CAPN2: variants seen among roughly 807,000 people sequenced by gnomAD.
CAPN2 encodes the protein calpain 2.
CAPN2 carries 92 observed loss-of-function variants against 102.3 expected under a neutral mutation model. The ratio of observed to expected loss-of-function variants is 0.90; its 90% CI spans 0.76 to 1.07. The LOEUF (loss-of-function observed/expected upper bound fraction) is 1.07. Ranked by LOEUF, CAPN2 falls within the 50% of genes least tolerant of loss-of-function variation. CAPN2 has a pLI of 0.00. For missense variants in CAPN2, 800 were observed against 909.4 expected, an observed-to-expected ratio of 0.88 and a Z score of 1.55; for synonymous variants, 340 against 355.4, an observed-to-expected ratio of 0.96 and a Z score of 0.49.
chr1:223,761,200 GCTACA>G (rs1661176239), intron 12 of CAPN2, among the ~76,000 whole-genome samples: 1 of 152,228 alleles, frequency 6.6e-6, no homozygotes, highest in South Asian at 2.1e-4. Flanking sequence ...CGAACACCAC[GCTACA>G]CGCGAAGGCT....
Position 223,731,962 on chromosome 1 carries a change from G to GA in CAPN2, c.308-12131dup, listed in dbSNP as rs932142081. 6.6e-6 allele frequency among the ~76,000 whole-genome samples: 1 copy of GA among 152,208 alleles called. No individual in the cohort carries two copies. Among genetic ancestry groups the GA allele is most frequent in the African/African-American group, 2.4e-5 (1 of 41,544 alleles). ...GTTGCAAAGAAAGAACACTCAGTTGGAAAAAAAGGCAAGAGGGTTTTATTC... is the reference window on the plus strand; with the variant it reads ...GTTGCAAAGAAAGAACACTCAGTTGGAAAAAAAAGGCAAGAGGGTTTTATTC... On this transcript the variant is annotated intron_variant, in intron 2 of 20. Transcript: ENST00000295006. This position sits in a 1 kb window ranked among gnomAD's most constrained non-coding sequence, Gnocchi z 4.2.
chr1:223,752,880 C>G lies in CAPN2; in HGVS notation c.1059C>G (p.Tyr353Ter). The G allele has an allele frequency of 1.2e-6, 2 of 1,614,210 alleles. No homozygotes were observed. The highest frequency in any genetic ancestry group is 8.5e-7 in the Non-Finnish European group (1 of 1,180,014). Reference protein sequence around the residue: ...LTPDTLTSDTYKKWKLTKMDG... With the variant: ...LTPDTLTSDT The stretch of plus-strand genomic sequence containing the variant: ...CAGACACTCTCACCAGCGATACCTA[C>G]AAGAAGTGGAAACTCACCAAAATGG... The change falls in exon 9 of 21, where the codon TAC becomes TAG. Residue 353 changes from tyrosine to a stop codon, truncating the protein, a stop_gained. Transcript: ENST00000295006. LOFTEE classifies it high-confidence loss of function.
chr1:223,766,436 C>A lies in CAPN2; in HGVS notation c.1755+5C>A. ...ATTATGGTTGACATGCTAGATGTAT[C>A]CTTTAATGTGCTCCAGGGAATAGAG... On this transcript the variant is annotated splice_donor_5th_base_variant and intron_variant, in intron 16 of 20. Transcript: ENST00000295006. The A allele has an allele frequency of 6.2e-7, 1 of 1,604,244 alleles. No individual in the cohort carries two copies. Among genetic ancestry groups the A allele is most frequent in the Non-Finnish European group, 8.5e-7 (1 of 1,170,992 alleles).
chr1:223,753,052 A>C, intron 9 of CAPN2, 96 bp downstream of exon 9: 1 of 1,152,164 alleles, frequency 8.7e-7, no homozygotes, highest in Non-Finnish European at 1.3e-6. Context: ...CCAGCCTAGC[A>C]GCCCCAGGAG....
At chr1:223,758,899 G>C (rs994746511) in intron 11 of CAPN2, 1 of 308,764 alleles carries the variant, frequency 3.2e-6, no homozygotes, top group Non-Finnish European at 6.3e-6. Context: ...TCACTACATT[G>C]CCCAGGCTGG....
In CAPN2 at chr1:223,753,023, C is replaced by G. The variant is rs555028363; in HGVS notation, c.1135+67C>G. On this transcript the variant is annotated intron_variant, in intron 9 of 20. Coordinates refer to ENST00000295006, the MANE Select transcript of CAPN2 (RefSeq NM_001748.5). ...ACCAAAGGCCAAAGCTCCCCTTACC[C>G]CACCCTGTGTACCACACCCCAGCCT... 7.3e-6 allele frequency: 11 copies of G among 1,496,762 alleles called. No individual in the cohort carries two copies. The South Asian group carries it at 1.2e-4, about 16-fold the overall frequency. 92.7% of individuals were successfully genotyped at this position (1,496,762 alleles called of 1,614,324 possible). A position where few individuals can be genotyped will look rare whatever the true frequency, so the allele number is the denominator to read the frequency against.
intron 2 of CAPN2, among the ~76,000 whole-genome samples, chr1:223,740,499 T>C (rs1660587922): frequency 6.6e-6 from 1 of 152,172 alleles, no homozygotes; most frequent in Non-Finnish European, 1.5e-5. Context: ...CTTAGAACTT[T>C]TTAAAAGAGG....
In CAPN2 at chr1:223,755,683, C is replaced by G. The variant is rs1007221264; in HGVS notation, c.1305+34C>G. The G allele has an allele frequency of 1.3e-6, 2 of 1,525,636 alleles. No homozygotes were observed. The highest frequency in any genetic ancestry group is 1.3e-5 in the South Asian group (1 of 77,506). 94.5% of individuals were successfully genotyped at this position (1,525,636 alleles called of 1,614,324 possible). On this transcript the variant is annotated intron_variant, in intron 10 of 20. Coordinates refer to ENST00000295006, the MANE Select transcript of CAPN2 (RefSeq NM_001748.5). This position sits in a 1 kb window ranked among gnomAD's most constrained non-coding sequence, Gnocchi z 4.1. ...CGCAGGGGCTCCTGCCCTCCCTTCCCCATGTGTTCATCTCAGCCCCTGCAT... is the reference window on the plus strand; with the variant it reads ...CGCAGGGGCTCCTGCCCTCCCTTCCGCATGTGTTCATCTCAGCCCCTGCAT...
At chr1:223,716,513 A>G (rs963782799) in intron 1 of CAPN2, among the ~76,000 whole-genome samples, 1 of 152,080 alleles carries the variant, frequency 6.6e-6, no homozygotes, top group African/African-American at 2.4e-5. Flanking sequence ...CATGAAGGGA[A>G]TGTCCTCTGC....
chr1:223,745,938 T>A (rs1214439784), intron 4 of CAPN2, among the ~76,000 whole-genome samples: 2 of 152,220 alleles, frequency 1.3e-5, no homozygotes, highest in East Asian at 3.8e-4. Flanking sequence ...GAATAGATGA[T>A]GTCACTGATT....
chr1:223,719,204 G>C (rs758896160), intron 2 of CAPN2, among the ~76,000 whole-genome samples: 1 of 152,176 alleles, frequency 6.6e-6, no homozygotes, highest in Non-Finnish European at 1.5e-5. Context: ...TAGAGAAAAT[G>C]GAATTGATGG....
rs1157332667 is a variant in CAPN2, at chr1:223,727,362, C to T, written c.307+9531C>T. 2.0e-5 allele frequency among the ~76,000 whole-genome samples: 3 copies of T among 152,206 alleles called. No homozygotes were observed. The highest frequency in any genetic ancestry group is 2.9e-5 in the Non-Finnish European group (2 of 68,044). On this transcript the variant is annotated intron_variant, in intron 2 of 20. Transcript: ENST00000295006. This position sits in a 1 kb window ranked among gnomAD's most constrained non-coding sequence, Gnocchi z 4.1. ...GTCCTGTGAATTATAGGATGTTTAG[C>T]TGCATCCTTGGCCTCTACCCACACA...
intron 20 of CAPN2, among the ~76,000 whole-genome samples, chr1:223,773,697 T>TA (rs199738676): frequency 6.8e-5 from 10 of 147,574 alleles, no homozygotes; most frequent in African/African-American, 9.9e-5. Context: ...AAACTGCATC[T>TA]AAAAAAAAAA....
intron 6 of CAPN2, 102 bp from the exon 7 acceptor site, chr1:223,750,788 C>T (rs939813092): frequency 1.9e-6 from 2 of 1,069,744 alleles, no homozygotes; most frequent in Admixed American, 4.0e-5. Context: ...CGTCCTCAGC[C>T]CCATACCTCC....
In CAPN2 at chr1:223,712,615, C is replaced by G. The variant is rs1157970691; in HGVS notation, c.-26C>G. The G allele has an allele frequency of 1.3e-6, 2 of 1,504,096 alleles. No individual in the cohort carries two copies. Among genetic ancestry groups the G allele is most frequent in the East Asian group, 5.7e-5 (2 of 35,004 alleles). 93.2% of individuals were successfully genotyped at this position (1,504,096 alleles called of 1,614,324 possible). A position where few individuals can be genotyped will look rare whatever the true frequency, so the allele number is the denominator to read the frequency against. On this transcript the variant is annotated 5_prime_UTR_variant, in exon 1 of 21. Coordinates refer to ENST00000295006, the MANE Select transcript of CAPN2 (RefSeq NM_001748.5). Reference sequence around the variant, plus strand: ...GCGGAGTCGCCCCGACCTTTCTCTGCGCAGTACGGCCGCCGGGACCGCAGC... The same window carrying G: ...GCGGAGTCGCCCCGACCTTTCTCTGGGCAGTACGGCCGCCGGGACCGCAGC...
intron 2 of CAPN2, among the ~76,000 whole-genome samples, chr1:223,734,809 AT>A (rs377363192): frequency 7.2e-5 from 11 of 152,132 alleles, no homozygotes; most frequent in Admixed American, 7.2e-4. Flanking sequence ...TGCTTTGCAT[AT>A]TTTTTTCATT....
intron 2 of CAPN2, among the ~76,000 whole-genome samples, chr1:223,718,070 G>A (rs1208034059): frequency 6.6e-6 from 1 of 152,262 alleles, no homozygotes; most frequent in Non-Finnish European, 1.5e-5. Flanking sequence ...TGAGGTTACA[G>A]AGATGCTGCC....
At position 223,775,949 on chromosome 1, in the gene CAPN2, C is replaced by T. The variant is rs1482029744; in HGVS notation, c.*1092C>T. On this transcript the variant is annotated 3_prime_UTR_variant, in exon 21 of 21. Transcript: ENST00000295006. ...ACAAGGTATGCTGCCTCTGTAAATTCATGTATTCAAAGGAAAAGACACCTT... is the reference window on the plus strand; with the variant it reads ...ACAAGGTATGCTGCCTCTGTAAATTTATGTATTCAAAGGAAAAGACACCTT... 6.6e-6 allele frequency: 1 copy of T among 152,596 alleles called. No individual in the cohort carries two copies. The highest frequency in any genetic ancestry group is 1.5e-5 in the Non-Finnish European group (1 of 68,038). 9.5% of individuals were successfully genotyped at this position (152,596 alleles called of 1,614,324 possible).
rs568125291 is a variant in CAPN2, at chr1:223,756,838, C to T, written c.1306-531C>T. Among the ~76,000 whole-genome samples the T allele has an allele frequency of 1.5e-4, 23 of 152,354 alleles. No individual in the cohort carries two copies. The highest frequency in any genetic ancestry group is 1.3e-3 in the East Asian group (7 of 5,190). ...TTGTGATACACAGCTTCCCTCCCAC[C>T]GGCTTATGGGCTTGGAAATGCAGCC... On this transcript the variant is annotated intron_variant, in intron 10 of 20. Transcript: ENST00000295006. This position sits in a 1 kb window ranked among gnomAD's most constrained non-coding sequence, Gnocchi z 4.1.
Sources: gnomAD v4.1 joint callset for allele counts (sites outside exome capture counted in the v4.1 genomes callset) on GRCh38, gnomAD v4.1.1 for gene constraint, Gnocchi (gnomAD v3.1) non-coding constraint, MANE v1.5 for transcripts, NCBI Gene and HGNC (gene_info 2026-07-23, HGNC 2026-07-21) for gene names.